ALOXE3: variants seen among roughly 807,000 people sequenced by gnomAD.
ALOXE3 encodes the protein hydroperoxide isomerase ALOXE3.
Under a neutral mutation model 87.5 loss-of-function variants are expected in ALOXE3, and 78 were observed. The ratio of observed to expected loss-of-function variants is 0.89; its 90% CI spans 0.74 to 1.08. The LOEUF (loss-of-function observed/expected upper bound fraction) is 1.08. Among genes scored for constraint, ALOXE3 ranks in the 50% least tolerant of loss-of-function variants. ALOXE3 has a pLI of 0.00. For missense variants in ALOXE3, 946 were observed against 912.4 expected (o/e 1.04, Z -0.47); for synonymous variants, 363 against 370.8 (o/e 0.98, Z 0.24).
chr17:8,111,867 T>C (rs1980121802), intron 7 of ALOXE3, among the ~76,000 whole-genome samples: 1 of 151,866 alleles, frequency 6.6e-6, no homozygotes, highest in South Asian at 2.1e-4. Context: ...GCAAGCAGAG[T>C]GTCTCTCTCT....
At chr17:8,109,690 G>A (rs1979845631) in intron 11 of ALOXE3, among the ~76,000 whole-genome samples, 1 of 151,018 alleles carries the variant, frequency 6.6e-6, no homozygotes, top group Admixed American at 6.6e-5. Flanking sequence ...GGGCGGGGGC[G>A]GTGAGGCTGC....
Position 8,118,277 on chromosome 17 carries a change from A to G in ALOXE3, c.-287T>C. The G allele has an allele frequency of 1.3e-6, 2 of 1,551,742 alleles. No individual in the cohort carries two copies. The highest frequency in any genetic ancestry group is 1.4e-5 in the African/African-American group (1 of 73,148). On this transcript the variant is annotated 5_prime_UTR_variant, in exon 2 of 16. Transcript: ENST00000448843. The stretch of plus-strand genomic sequence containing the variant: ...GCCGGTCCCTCTGGCTGGCTCACCC[A>G]GATGGATATCAGGAGCCTGGGTTCC...
chr17:8,107,031 T>A (rs778877533), intron 13 of ALOXE3, among the ~76,000 whole-genome samples: 1 of 152,128 alleles, frequency 6.6e-6, no homozygotes, highest in African/African-American at 2.4e-5. Flanking sequence ...TTCTGATGCA[T>A]TAAATCAGAG....
Position 8,100,047 on chromosome 17 carries a change from C to G in ALOXE3, c.1957-3241G>C, listed in dbSNP as rs551935687. 2.0e-5 allele frequency among the ~76,000 whole-genome samples: 3 copies of G among 151,788 alleles called. No individual in the cohort carries two copies. In the South Asian group the frequency reaches 6.3e-4, roughly 32 times the overall value. On this transcript the variant is annotated intron_variant, in intron 15 of 15. Coordinates refer to ENST00000448843, the MANE Select transcript of ALOXE3 (RefSeq NM_021628.3). ...TGTCACTGCACTCCAGCCTGGGTGA[C>G]CCTGTCTGGAGTTGACCAGGCTTTT...
intron 15 of ALOXE3, among the ~76,000 whole-genome samples, chr17:8,102,695 T>C (rs1161879795): frequency 1.3e-5 from 2 of 152,212 alleles, no homozygotes; most frequent in African/African-American, 2.4e-5. Context: ...CAACTCCTAC[T>C]TGTCCTGCAG....
chr17:8,113,183 C>G (rs1362218336), intron 6 of ALOXE3, among the ~76,000 whole-genome samples: 1 of 152,178 alleles, frequency 6.6e-6, no homozygotes. Context: ...ATGAACTCCT[C>G]CATGAACACA....
At chr17:8,109,082 C>G in intron 12 of ALOXE3, 92 bp downstream of exon 12, 2 of 1,560,652 alleles carry the variant, frequency 1.3e-6, no homozygotes, top group Non-Finnish European at 1.7e-6. Context: ...GTGAAAACAC[C>G]TGAAATCCCC....
At position 8,115,066 on chromosome 17, in the gene ALOXE3, G is replaced by C; in HGVS notation, c.435-9C>G. The stretch of plus-strand genomic sequence containing the variant: ...GGGCATAGATCTTCCAGCTTCCGAG[G>C]GAAAGAGGTCAGAGGTGGCAGGTCA... On this transcript the variant is annotated splice_polypyrimidine_tract_variant and intron_variant, in intron 4 of 15. Transcript: ENST00000448843. 2 of 1,614,180 alleles carry C rather than the reference G, an allele frequency of 1.2e-6. No homozygotes were observed. The highest frequency in any genetic ancestry group is 1.7e-6 in the Non-Finnish European group (2 of 1,180,030).
intron 13 of ALOXE3, among the ~76,000 whole-genome samples, 183 bp from the exon 14 acceptor site, chr17:8,104,398 G>C (rs1298852532): frequency 6.6e-6 from 1 of 152,174 alleles, no homozygotes; most frequent in East Asian, 1.9e-4. Context: ...AGTGGGTCAG[G>C]ATAGGAGATG....
At position 8,108,554 on chromosome 17, in the gene ALOXE3, C is replaced by T. The variant is rs147748799; in HGVS notation, c.1598G>A (p.Ser533Asn). 8.7e-6 allele frequency: 14 copies of T among 1,613,128 alleles called. No homozygotes were observed. The highest frequency in any genetic ancestry group is 2.5e-6 in the Non-Finnish European group (3 of 1,179,450). The part of the protein sequence containing the change: ...VSEIVGYYYP[S>N]DASVQQDSEL... ...CGAATCCTGCTGCACAGATGCGTCA[C>T]TGGGATAATAGTAGCCCACGATTTC... is the stretch of plus-strand genomic sequence containing the variant. The change falls in exon 13 of 16, where the codon AGT (serine) becomes AAT (asparagine). Residue 533 changes from serine to asparagine, a missense_variant. Coordinates refer to ENST00000448843, the MANE Select transcript of ALOXE3 (RefSeq NM_021628.3).
intron 13 of ALOXE3, among the ~76,000 whole-genome samples, chr17:8,107,946 AAAG>A (rs1979567717): frequency 6.5e-4 from 3 of 4,644 alleles, no homozygotes; most frequent in East Asian, 2.7e-3. Flanking sequence ...AGAAAGAAAG[AAAG>A]AAAGAAAGAA....
chr17:8,102,148 C>T lies in ALOXE3; in HGVS notation c.1956+1175G>A, dbSNP rs959523. ...TGCCCTTTGCATCCATTCACGCAGCCACAGGAGCACCCTAGCTAAAGCAGA... is the reference window on the plus strand; with the variant it reads ...TGCCCTTTGCATCCATTCACGCAGCTACAGGAGCACCCTAGCTAAAGCAGA... On this transcript the variant is annotated intron_variant, in intron 15 of 15. Coordinates refer to ENST00000448843, the MANE Select transcript of ALOXE3 (RefSeq NM_021628.3). 8.1e-3 allele frequency among the ~76,000 whole-genome samples: 1,236 copies of T among 152,280 alleles called. 55 individuals are homozygous for T. The highest frequency in any genetic ancestry group is 0.062 in the Admixed American group (954 of 15,290).
In ALOXE3 at chr17:8,096,819, C is replaced by T; in HGVS notation, c.1957-13G>A. On this transcript the variant is annotated splice_polypyrimidine_tract_variant and intron_variant, in intron 15 of 15. Coordinates refer to ENST00000448843, the MANE Select transcript of ALOXE3 (RefSeq NM_021628.3). ...TGCCCAGGGGCCTCTGGGAGGACAT[C>T]AGGTAAGAGGTCAGGATGACATTCA... is the stretch of plus-strand genomic sequence containing the variant. 6.2e-7 allele frequency: 1 copy of T among 1,613,720 alleles called. No individual in the cohort carries two copies. Among genetic ancestry groups the T allele is most frequent in the Non-Finnish European group, 8.5e-7 (1 of 1,179,702 alleles).
rs763167274 is a variant in ALOXE3 at position 8,108,463 on chromosome 17, G to A, written c.1684+5C>T. On this transcript the variant is annotated splice_donor_5th_base_variant and intron_variant, in intron 13 of 15. Coordinates refer to ENST00000448843, the MANE Select transcript of ALOXE3 (RefSeq NM_021628.3). Reference sequence around the variant, plus strand: ...TACACGGAAAGTGGGATAGAGAGGGGATACCTGAGCTTTCCCGGCCCAGGA... The same window carrying A: ...TACACGGAAAGTGGGATAGAGAGGGAATACCTGAGCTTTCCCGGCCCAGGA... 3.1e-6 allele frequency: 5 copies of A among 1,612,446 alleles called. No homozygotes were observed. The highest frequency in any genetic ancestry group is 2.2e-5 in the East Asian group (1 of 44,860).
chr17:8,110,075 CA>C lies in ALOXE3; in HGVS notation c.1305+16del, dbSNP rs1218027409. 2 of 1,602,628 alleles carry C rather than the reference CA, an allele frequency of 1.2e-6. No homozygotes were observed. Among genetic ancestry groups the C allele is most frequent in the African/African-American group, 1.4e-5 (1 of 72,196 alleles). ...CCCGGCCCCTGCCCCGCTGGGCCCC[CA>C]CCCGGGGTCGCGGACCTTGTAGATG... On this transcript the variant is annotated intron_variant, in intron 10 of 15. Coordinates refer to ENST00000448843, the MANE Select transcript of ALOXE3 (RefSeq NM_021628.3).
At chr17:8,117,054 A>C in intron 2 of ALOXE3, 74 bp from the exon 3 acceptor site, 1 of 1,360,770 alleles carries the variant, frequency 7.3e-7, no homozygotes, top group Non-Finnish European at 1.0e-6. Flanking sequence ...TGCAAGATGC[A>C]TCTACACCTA....
chr17:8,107,199 A>C (rs1355229008), intron 13 of ALOXE3, among the ~76,000 whole-genome samples: 1 of 152,168 alleles, frequency 6.6e-6, no homozygotes, highest in Non-Finnish European at 1.5e-5. Context: ...GCAGGTTTGC[A>C]AAACACAGGG....
chr17:8,111,266 G>T, intron 8 of ALOXE3, 93 bp downstream of exon 8: 1 of 1,499,284 alleles, frequency 6.7e-7, no homozygotes, highest in Non-Finnish European at 9.2e-7. Flanking sequence ...TGCAGCCCAG[G>T]CCATTTCCAT....
chr17:8,111,679 G>A, intron 7 of ALOXE3, 148 bp from the exon 8 acceptor site: 2 of 788,836 alleles, frequency 2.5e-6, no homozygotes, highest in Non-Finnish European at 4.2e-6. Context: ...TTTAATACTA[G>A]ACACTAAGGG....
Sources: allele counts gnomAD v4.1 joint callset (sites outside exome capture counted in the v4.1 genomes callset), GRCh38; gene constraint gnomAD v4.1.1; transcripts MANE v1.5; gene names NCBI Gene and HGNC (gene_info 2026-07-23, HGNC 2026-07-21).